The following NKAIN3 variants were observed in gnomAD, a reference collection of about 807,000 sequenced individuals.
NKAIN3 encodes sodium/potassium transporting ATPase interacting 3.
Under a neutral mutation model 30.2 loss-of-function variants are expected in NKAIN3, and 25 were observed. The ratio of observed to expected loss-of-function variants is 0.83; its 90% confidence interval spans 0.60 to 1.16. The LOEUF (loss-of-function observed/expected upper bound fraction) is 1.16. NKAIN3 is among the 50% of genes most tolerant of loss of function. The pLI, the probability that NKAIN3 is intolerant of heterozygous loss-of-function variation, is 0.00. For missense variants in NKAIN3, 225 were observed against 254.1 expected, an observed-to-expected ratio of 0.89 and a Z score of 0.78; for synonymous variants, 91 against 89.6, an observed-to-expected ratio of 1.02 and a Z score of -0.09.
At chr8:62,380,806 C>T (rs908921581) in intron 1 of NKAIN3, among the ~76,000 whole-genome samples, 8 of 152,174 alleles carry the variant, frequency 5.3e-5, no homozygotes, top group African/African-American at 1.9e-4. Context: ...ACAGCTCATA[C>T]TGAAAATGTG....
In NKAIN3 at chr8:62,642,086, TA is replaced by T. The variant is rs1812326952; in HGVS notation, c.273+52295del. ...CTGGGAAAAATGCTTTTTAAAAAAATAAAGATAATACATGTTTTTTATTTAA... is the reference window on the plus strand; with the variant it reads ...CTGGGAAAAATGCTTTTTAAAAAAATAAGATAATACATGTTTTTTATTTAA... On this transcript the variant is annotated intron_variant, in intron 3 of 6. Transcript: ENST00000623646. Among the ~76,000 whole-genome samples, 2 of 152,006 alleles carry T rather than the reference TA, an allele frequency of 1.3e-5. 1 individual carries two copies. Among genetic ancestry groups the T allele is most frequent in the South Asian group, 4.1e-4 (2 of 4,820 alleles).
At chr8:62,326,464 G>T (rs990102937) in intron 1 of NKAIN3, among the ~76,000 whole-genome samples, 1 of 151,750 alleles carries the variant, frequency 6.6e-6, no homozygotes. Context: ...TAAAGTCTTT[G>T]ATCCATCTTG....
chr8:62,887,939 C>A (rs920449098), intron 4 of NKAIN3, among the ~76,000 whole-genome samples: 2 of 152,020 alleles, frequency 1.3e-5, no homozygotes, highest in African/African-American at 4.8e-5. Flanking sequence ...TTTTAGTATG[C>A]CTTGTAATTG....
At chr8:62,334,297 C>CTAGG (rs1355421788) in intron 1 of NKAIN3, among the ~76,000 whole-genome samples, 1 of 152,080 alleles carries the variant, frequency 6.6e-6, no homozygotes, top group Non-Finnish European at 1.5e-5. Context: ...GAGCCATGCT[C>CTAGG]TAGGGAAAGA....
intron 3 of NKAIN3, among the ~76,000 whole-genome samples, chr8:62,599,284 A>G (rs928671288): frequency 6.6e-6 from 1 of 151,972 alleles, no homozygotes; most frequent in Non-Finnish European, 1.5e-5. Context: ...CTTGAAGGTA[A>G]TGGATGCCTT....
intron 1 of NKAIN3, among the ~76,000 whole-genome samples, chr8:62,300,508 T>C (rs1814009346): frequency 6.6e-6 from 1 of 152,150 alleles, no homozygotes; most frequent in Non-Finnish European, 1.5e-5. Flanking sequence ...TTTAACCTTT[T>C]ATTATCACCT....
chr8:62,744,046 T>C (rs1051708913), intron 3 of NKAIN3, among the ~76,000 whole-genome samples: 2 of 152,194 alleles, frequency 1.3e-5, no homozygotes, highest in African/African-American at 4.8e-5. Flanking sequence ...GTTCTGGTTC[T>C]ATGACCTGTC....
At chr8:62,640,338 C>G (rs1812272040) in intron 3 of NKAIN3, among the ~76,000 whole-genome samples, 1 of 152,012 alleles carries the variant, frequency 6.6e-6, no homozygotes, top group Admixed American at 6.6e-5. Flanking sequence ...TTATAAGGGG[C>G]TCTTCCCCCT....
chr8:62,689,575 C>A (rs528202605), intron 3 of NKAIN3, among the ~76,000 whole-genome samples: 1 of 152,088 alleles, frequency 6.6e-6, no homozygotes, highest in Admixed American at 6.5e-5. Flanking sequence ...GTTTTAAAAC[C>A]TCAGTAGATG....
chr8:62,517,918 A>G (rs1454980743), intron 1 of NKAIN3, among the ~76,000 whole-genome samples: 3 of 146,428 alleles, frequency 2.0e-5, no homozygotes, highest in Non-Finnish European at 4.4e-5. Context: ...CTATACCTGT[A>G]TCTGTATCTA....
At chr8:62,529,133 A>G (rs548100502) in intron 1 of NKAIN3, among the ~76,000 whole-genome samples, 21 of 152,262 alleles carry the variant, frequency 1.4e-4, no homozygotes, top group African/African-American at 5.1e-4. Context: ...CTAGAGCTGA[A>G]TGTAATCCTG....
intron 1 of NKAIN3, among the ~76,000 whole-genome samples, chr8:62,431,672 A>C (rs991386546): frequency 6.6e-6 from 1 of 151,772 alleles, no homozygotes; most frequent in African/African-American, 2.4e-5. Context: ...GTAGCAATTG[A>C]TTTTCTTGTA....
chr8:62,546,412 C>T (rs1809018582), intron 1 of NKAIN3, among the ~76,000 whole-genome samples: 1 of 152,152 alleles, frequency 6.6e-6, no homozygotes, highest in South Asian at 2.1e-4. Flanking sequence ...CTCAGGAGCA[C>T]ATAATGAGAT....
intron 1 of NKAIN3, among the ~76,000 whole-genome samples, chr8:62,488,012 G>A (rs1176342472): frequency 6.6e-6 from 1 of 152,124 alleles, no homozygotes; most frequent in African/African-American, 2.4e-5. Flanking sequence ...AGATTTACTG[G>A]TCCATTTCAT....
intron 4 of NKAIN3, among the ~76,000 whole-genome samples, chr8:62,858,274 GC>G: frequency 6.6e-6 from 1 of 152,244 alleles, no homozygotes; most frequent in East Asian, 1.9e-4. Context: ...CAGGCCAAAT[GC>G]AGTTGTAAGA....
intron 4 of NKAIN3, among the ~76,000 whole-genome samples, chr8:62,892,145 A>G (rs879929556): frequency 3.9e-5 from 6 of 152,208 alleles, no homozygotes; most frequent in Non-Finnish European, 7.3e-5. Flanking sequence ...TTATACAACC[A>G]TTTAATTACT....
intron 4 of NKAIN3, chr8:62,855,567 T>C (rs1820037242): frequency 1.3e-6 from 2 of 1,562,634 alleles, no homozygotes; most frequent in Non-Finnish European, 1.8e-6. Context: ...TCCAATCTTT[T>C]ATTCATTGCT....
At chr8:62,572,169 C>T (rs1245070063) in intron 1 of NKAIN3, among the ~76,000 whole-genome samples, 2 of 152,176 alleles carry the variant, frequency 1.3e-5, no homozygotes, top group African/African-American at 4.8e-5. Flanking sequence ...CTCTTGAATG[C>T]TTTGCTGCTT....
At chr8:62,855,677 T>C in intron 4 of NKAIN3, 2 of 1,603,726 alleles carry the variant, frequency 1.2e-6, no homozygotes, top group African/African-American at 2.7e-5. Context: ...CCCAGGGTTC[T>C]CAAAGCTGTC....
Sources: gnomAD v4.1 joint callset for allele counts (sites outside exome capture counted in the v4.1 genomes callset) on GRCh38, gnomAD v4.1.1 for gene constraint, MANE v1.5 for transcripts, NCBI Gene and HGNC (gene_info 2026-07-23, HGNC 2026-07-21) for gene names.